The following SIPA1L1 variants were observed in gnomAD, a reference collection of about 807,000 sequenced individuals.
SIPA1L1 encodes signal induced proliferation associated 1 like 1.
In SIPA1L1, 26 loss-of-function variants were observed where a neutral mutation model predicts 162.7. That is an observed-to-expected ratio of 0.16 (90% CI 0.12 to 0.22). The LOEUF (loss-of-function observed/expected upper bound fraction) is 0.22, where lower values mean the gene tolerates loss of function less well. Among genes scored for constraint, SIPA1L1 ranks in the 10% least tolerant of loss-of-function variants. The pLI is 1.00. For missense variants in SIPA1L1, 1,874 were observed against 2,241.0 expected (o/e 0.84, Z 3.31); for synonymous variants, 829 against 837.4 (o/e 0.99, Z 0.17).
At chr14:71,340,863 C>T (rs774780013) in intron 2 of SIPA1L1, among the ~76,000 whole-genome samples, 13 of 152,066 alleles carry the variant, frequency 8.5e-5, no homozygotes, top group African/African-American at 2.2e-4. Flanking sequence ...TGCTTGAACC[C>T]GGGAGGCAGA....
At chr14:71,582,727 CAG>C (rs973242406) in intron 4 of SIPA1L1, among the ~76,000 whole-genome samples, 2 of 152,174 alleles carry the variant, frequency 1.3e-5, no homozygotes, top group Admixed American at 1.3e-4. Context: ...TTGTCTCTTT[CAG>C]AGAGTGAACA....
At chr14:71,402,818 T>C (rs954627870) in intron 2 of SIPA1L1, among the ~76,000 whole-genome samples, 6 of 152,136 alleles carry the variant, frequency 3.9e-5, no homozygotes, top group African/African-American at 1.4e-4. Flanking sequence ...TGGAAGACAA[T>C]TAGATATTTG....
intron 10 of SIPA1L1, among the ~76,000 whole-genome samples, chr14:71,666,654 T>A (rs977744351): frequency 2.0e-4 from 30 of 152,290 alleles, no homozygotes; most frequent in Middle Eastern, 3.4e-3. Context: ...CAGAGAGGTT[T>A]CCATACCCGG....
At chr14:71,695,664 C>A (rs1427736634) in intron 13 of SIPA1L1, among the ~76,000 whole-genome samples, 1 of 152,160 alleles carries the variant, frequency 6.6e-6, no homozygotes, top group Non-Finnish European at 1.5e-5. Flanking sequence ...AATCATCAGA[C>A]CCCTACACGT....
chr14:71,694,166 C>T (rs2081449079), intron 13 of SIPA1L1, among the ~76,000 whole-genome samples: 1 of 151,950 alleles, frequency 6.6e-6, no homozygotes, highest in Admixed American at 6.6e-5. Flanking sequence ...ATATGTCGTC[C>T]TGTGAGTTGA....
At chr14:71,503,371 A>C (rs1387964239) in intron 2 of SIPA1L1, among the ~76,000 whole-genome samples, 2 of 152,250 alleles carry the variant, frequency 1.3e-5, no homozygotes, top group Non-Finnish European at 2.9e-5. Context: ...CAATAAGCTG[A>C]TTATGCTGAA....
At chr14:71,341,902 A>G (rs2035695275) in intron 2 of SIPA1L1, among the ~76,000 whole-genome samples, 1 of 151,972 alleles carries the variant, frequency 6.6e-6, no homozygotes, top group Non-Finnish European at 1.5e-5. Flanking sequence ...TATCCAACCC[A>G]CTGTTGATGA....
chr14:71,452,736 T>G, intron 2 of SIPA1L1, among the ~76,000 whole-genome samples: 1 of 152,308 alleles, frequency 6.6e-6, no homozygotes, highest in East Asian at 1.9e-4. Context: ...CTGGTGGGTA[T>G]GAAGTGGTAT....
chr14:71,686,655 T>C (rs144818796), intron 13 of SIPA1L1, among the ~76,000 whole-genome samples: 2,218 of 152,284 alleles, frequency 0.015, 64 homozygotes, highest in African/African-American at 0.051. Flanking sequence ...GCGAGTCTCC[T>C]GTCTCAGCCT....
intron 4 of SIPA1L1, chr14:71,574,729 C>A (rs1313114299): frequency 1.3e-5 from 2 of 151,980 alleles, no homozygotes; most frequent in Admixed American, 6.6e-5. Context: ...AGACTTCCTG[C>A]CACAAGGTTT....
chr14:71,737,856 T>G (rs2085441678), intron 22 of SIPA1L1, among the ~76,000 whole-genome samples: 1 of 152,024 alleles, frequency 6.6e-6, no homozygotes, highest in African/African-American at 2.4e-5. Context: ...GAGTAACTCC[T>G]CTGTCAAAGC....
intron 2 of SIPA1L1, chr14:71,449,025 T>C (rs2045619603): frequency 6.6e-6 from 1 of 152,214 alleles, no homozygotes; most frequent in Admixed American, 6.5e-5. Context: ...AGTTTTCTCA[T>C]TTATAAAGTT....
chr14:71,468,334 G>A (rs1024226259), intron 2 of SIPA1L1, among the ~76,000 whole-genome samples: 5 of 152,144 alleles, frequency 3.3e-5, no homozygotes, highest in African/African-American at 1.2e-4. Context: ...AAGAAAAGAG[G>A]TTTAATTGGC....
intron 5 of SIPA1L1, among the ~76,000 whole-genome samples, chr14:71,606,765 A>G (rs988091585): frequency 6.6e-6 from 1 of 152,128 alleles, no homozygotes; most frequent in Non-Finnish European, 1.5e-5. Context: ...CCTGGTTTTG[A>G]CAATGATTAT....
chr14:71,650,607 G>T (rs908819699), intron 8 of SIPA1L1, 98 bp downstream of exon 8: 5 of 1,106,852 alleles, frequency 4.5e-6, no homozygotes, highest in Non-Finnish European at 6.6e-6. Flanking sequence ...GCCATTTATC[G>T]CAGAACACTG....
At chr14:71,695,793 T>TATA (rs1206029396) in intron 13 of SIPA1L1, among the ~76,000 whole-genome samples, 2 of 152,228 alleles carry the variant, frequency 1.3e-5, no homozygotes, top group East Asian at 3.8e-4. Context: ...AAACTCTATT[T>TATA]GAAGTTTCTC....
At chr14:71,512,519 G>A (rs1193907048) in intron 2 of SIPA1L1, among the ~76,000 whole-genome samples, 8 of 151,028 alleles carry the variant, frequency 5.3e-5, no homozygotes, top group East Asian at 3.9e-4. Context: ...CCCAGGAGGC[G>A]GAGGTTACAG....
chr14:71,444,088 G>A (rs1208033199), intron 2 of SIPA1L1, among the ~76,000 whole-genome samples: 1 of 152,202 alleles, frequency 6.6e-6, no homozygotes, highest in Non-Finnish European at 1.5e-5. Flanking sequence ...AAGCAAAGCA[G>A]AACAAAAACA....
chr14:71,416,906 T>G (rs2042811991), intron 2 of SIPA1L1, among the ~76,000 whole-genome samples: 1 of 152,150 alleles, frequency 6.6e-6, no homozygotes. Context: ...TTAAACACAC[T>G]TTTAAAATAC....
Sources: allele counts gnomAD v4.1 joint callset (sites outside exome capture counted in the v4.1 genomes callset), GRCh38; gene constraint gnomAD v4.1.1; transcripts MANE v1.5; gene names NCBI Gene and HGNC (gene_info 2026-07-23, HGNC 2026-07-21).